Variants in ADGRL3 observed in about 807,000 individuals in gnomAD.
ADGRL3 encodes adhesion G protein-coupled receptor L3, also known as calcium-independent alpha-latrotoxin receptor 3.
ADGRL3 carries 62 observed loss-of-function variants against 153.5 expected under a neutral mutation model. That is an observed-to-expected ratio of 0.40 (90% CI 0.33 to 0.50). ADGRL3 has a LOEUF of 0.50. Ranked by LOEUF, ADGRL3 falls within the 20% of genes least tolerant of loss-of-function variation. The pLI is 0.47. For synonymous variants in ADGRL3, 710 were observed against 672.5 expected (o/e 1.06, Z -0.86); for missense variants, 1,641 against 1,859.4 (o/e 0.88, Z 2.16).
chr4:61,346,781 C>CAAAA (rs748059859), intron 1 of ADGRL3, among the ~76,000 whole-genome samples: 3 of 44,708 alleles, frequency 6.7e-5, no homozygotes, highest in African/African-American at 7.7e-5. Context: ...AGACCTGTCT[C>CAAAA]AAAAAAAAAA....
chr4:61,460,775 A>G (rs2152574890), intron 2 of ADGRL3, among the ~76,000 whole-genome samples: 1 of 152,230 alleles, frequency 6.6e-6, no homozygotes, highest in South Asian at 2.1e-4. Flanking sequence ...CCCTTTATAA[A>G]ACCATCAGAT....
chr4:61,585,840 G>A (rs2098944288), intron 4 of ADGRL3, among the ~76,000 whole-genome samples: 1 of 151,886 alleles, frequency 6.6e-6, no homozygotes, highest in Non-Finnish European at 1.5e-5. Flanking sequence ...AAATATATAT[G>A]TCCAGCAAAC....
At chr4:61,840,192 G>A (rs2098007413) in intron 9 of ADGRL3, among the ~76,000 whole-genome samples, 1 of 152,092 alleles carries the variant, frequency 6.6e-6, no homozygotes. Flanking sequence ...CCATTCTCCT[G>A]CCTCTGCCTC....
intron 6 of ADGRL3, among the ~76,000 whole-genome samples, chr4:61,680,405 CGTGTGTGTGTGTGT>C (rs3075156): frequency 4.2e-4 from 61 of 144,128 alleles, no homozygotes; most frequent in East Asian, 3.4e-3. Flanking sequence ...TATACATACT[CGTGTGTGTGTGTGT>C]GTGTGTGTGT....
chr4:61,511,021 T>A (rs1424768444), intron 3 of ADGRL3, among the ~76,000 whole-genome samples: 1 of 152,152 alleles, frequency 6.6e-6, no homozygotes, highest in Non-Finnish European at 1.5e-5. Context: ...ATTTTCTTGA[T>A]GACTATTGTA....
intron 21 of ADGRL3, among the ~76,000 whole-genome samples, chr4:62,022,567 T>G (rs1002493889): frequency 2.7e-4 from 41 of 152,162 alleles, no homozygotes; most frequent in African/African-American, 9.6e-4. Context: ...GCTTCAAGGC[T>G]TCTAATCCTC....
At chr4:61,520,682 G>GTGTGTGTGTGTCTGTCTGTCTGTC (rs763505931) in intron 4 of ADGRL3, among the ~76,000 whole-genome samples, 32 of 123,578 alleles carry the variant, frequency 2.6e-4, no homozygotes, top group African/African-American at 8.8e-4. Context: ...GTGTGTGTGT[G>GTGTGTGTGTGTCTGTCTGTCTGTC]TGTCTGTCTG....
At chr4:61,819,015 T>C (rs1227199250) in intron 9 of ADGRL3, among the ~76,000 whole-genome samples, 1 of 152,232 alleles carries the variant, frequency 6.6e-6, no homozygotes, top group African/African-American at 2.4e-5. Flanking sequence ...AGAGTTGGTA[T>C]AATAATATCA....
At position 61,702,052 on chromosome 4, in the gene ADGRL3, A is replaced by G. The variant is rs80314734; in HGVS notation, c.583+25117A>G. Among the ~76,000 whole-genome samples, 136 of 152,306 alleles carry G rather than the reference A, an allele frequency of 8.9e-4. 2 individuals are homozygous for G. The highest frequency in any genetic ancestry group is 3.2e-3 in the African/African-American group (133 of 41,572). ...ATCACTAGTTCAGTGACTGTGTGTT[A>G]GAATTACTGAGGAAGGGGTCACTTG... On this transcript the variant is annotated intron_variant, in intron 6 of 26. Coordinates refer to ENST00000683033, the MANE Select transcript of ADGRL3 (RefSeq NM_001387552.1).
chr4:61,502,419 T>C (rs1008972525), intron 3 of ADGRL3, among the ~76,000 whole-genome samples: 1 of 151,614 alleles, frequency 6.6e-6, no homozygotes, highest in African/African-American at 2.4e-5. Context: ...GTATGTTTTA[T>C]AGCGTCTTCA....
chr4:61,252,923 A>G (rs367905049), intron 1 of ADGRL3, among the ~76,000 whole-genome samples: 1 of 152,126 alleles, frequency 6.6e-6, no homozygotes, highest in East Asian at 1.9e-4. Flanking sequence ...AGCCAGGTAA[A>G]CTTGCCTTTT....
intron 5 of ADGRL3, among the ~76,000 whole-genome samples, chr4:61,647,269 G>T (rs2094051471): frequency 6.6e-6 from 1 of 152,084 alleles, no homozygotes; most frequent in Non-Finnish European, 1.5e-5. Flanking sequence ...CTGTAGACCA[G>T]AGCTTTTCCT....
intron 2 of ADGRL3, among the ~76,000 whole-genome samples, chr4:61,418,548 A>T (rs2097169580): frequency 6.6e-6 from 1 of 150,664 alleles, no homozygotes; most frequent in East Asian, 2.1e-4. Context: ...CTTCCTATTG[A>T]TACTTTCTCT....
intron 13 of ADGRL3, among the ~76,000 whole-genome samples, chr4:61,926,976 C>T (rs2098796973): frequency 6.6e-6 from 1 of 152,126 alleles, no homozygotes; most frequent in Admixed American, 6.6e-5. Context: ...CTTTGTTCAG[C>T]GTTGAGTTTC....
intron 25 of ADGRL3, among the ~76,000 whole-genome samples, chr4:62,054,366 C>T (rs1436524825): frequency 1.3e-5 from 2 of 151,548 alleles, no homozygotes; most frequent in Non-Finnish European, 3.0e-5. Context: ...GCAGATTCAC[C>T]AACAATTCTG....
At chr4:61,556,909 A>G (rs576418144) in intron 4 of ADGRL3, among the ~76,000 whole-genome samples, 28 of 152,228 alleles carry the variant, frequency 1.8e-4, no homozygotes, top group Admixed American at 1.6e-3. Flanking sequence ...GAATTTTTAT[A>G]AGTCCCCTGA....
chr4:61,979,304 T>C (rs1295135707), intron 17 of ADGRL3, among the ~76,000 whole-genome samples: 1 of 152,176 alleles, frequency 6.6e-6, no homozygotes, highest in Non-Finnish European at 1.5e-5. Context: ...CTACTTATAT[T>C]CTGAAAATGC....
chr4:62,067,358 AT>A (rs1743516910), intron 25 of ADGRL3, among the ~76,000 whole-genome samples: 2 of 152,120 alleles, frequency 1.3e-5, no homozygotes, highest in South Asian at 4.1e-4. Context: ...CCTTAAAAAA[AT>A]AATTTTGATA....
At chr4:62,063,774 T>C (rs1741482478) in intron 25 of ADGRL3, 3 of 466,770 alleles carry the variant, frequency 6.4e-6, no homozygotes, top group Admixed American at 7.7e-5. Flanking sequence ...CCACCCCTCT[T>C]GGTGCTTTTA....
Sources: allele counts gnomAD v4.1 joint callset (sites outside exome capture counted in the v4.1 genomes callset), GRCh38; gene constraint gnomAD v4.1.1; transcripts MANE v1.5; gene names NCBI Gene and HGNC (gene_info 2026-07-23, HGNC 2026-07-21).